Variants in ABCC4 observed in about 807,000 individuals in gnomAD.
ABCC4 encodes ATP binding cassette subfamily C member 4 (PEL blood group).
In ABCC4, 102 loss-of-function variants were observed where a neutral mutation model predicts 168.5. The observed-to-expected ratio is 0.61, with a 90% CI of 0.52 to 0.71. The LOEUF is 0.71. Among genes scored for constraint, ABCC4 ranks in the 30% least tolerant of loss-of-function variants. ABCC4 has a pLI of 0.00. For missense variants in ABCC4, 1,402 were observed against 1,605.8 expected, an observed-to-expected ratio of 0.87 and a Z score of 2.17; for synonymous variants, 617 against 590.7, an observed-to-expected ratio of 1.04 and a Z score of -0.65.
chr13:95,029,217 G>A (rs1354072674), intron 30 of ABCC4, among the ~76,000 whole-genome samples: 396 of 10,570 alleles, frequency 0.037, 14 homozygotes, highest in African/African-American at 0.066. Flanking sequence ...TATATATAGA[G>A]AGAGAGAGAG....
chr13:95,189,435 A>G (rs879540241), intron 9 of ABCC4, among the ~76,000 whole-genome samples: 3 of 152,150 alleles, frequency 2.0e-5, no homozygotes, highest in African/African-American at 7.2e-5. Flanking sequence ...TCTTAATATA[A>G]TATTCAGTAT....
At chr13:95,254,396 T>G (rs1004012625) in intron 1 of ABCC4, among the ~76,000 whole-genome samples, 2 of 140,126 alleles carry the variant, frequency 1.4e-5, no homozygotes, top group South Asian at 2.3e-4. Context: ...TGCTAGTGCC[T>G]AAGGGCACAT....
intron 19 of ABCC4, among the ~76,000 whole-genome samples, chr13:95,119,058 C>G (rs1419406179): frequency 1.3e-5 from 2 of 152,168 alleles, no homozygotes; most frequent in Non-Finnish European, 1.5e-5. Flanking sequence ...CTCTGAATGC[C>G]TGGTAGCCAG....
chr13:95,242,234 A>ATT (rs68070552), intron 3 of ABCC4, among the ~76,000 whole-genome samples: 65,243 of 150,214 alleles, frequency 0.43, 16,806 homozygotes, highest in African/African-American at 0.71. Flanking sequence ...TAACTCCATA[A>ATT]TTTTTTTTTT....
chr13:95,170,590 A>T lies in ABCC4; in HGVS notation c.1766T>A (p.Leu589Ter). 1 of 1,612,358 alleles carries T rather than the reference A, an allele frequency of 6.2e-7. No individual in the cohort carries two copies. Among genetic ancestry groups the T allele is most frequent in the Non-Finnish European group, 8.5e-7 (1 of 1,179,660 alleles). ...GAGGTACTGCAACTGATGAGTCACT[A>T]AAATTGTGATCTTCTCATGCAAAAT... is the stretch of plus-strand genomic sequence containing the variant. ...CQILHEKITI[L>*]VTHQLQYLKA... Residue 589 changes from leucine (L) to a stop codon, truncating the protein, a stop_gained, in exon 14 of 31, where the codon TTA (leucine) becomes TAA (stop). Coordinates refer to ENST00000645237, the MANE Select transcript of ABCC4 (RefSeq NM_005845.5). LOFTEE classifies it high-confidence loss of function.
chr13:95,203,398 G>A lies in ABCC4; in HGVS notation c.1161+3134C>T, dbSNP rs146971108. 8.2e-3 allele frequency among the ~76,000 whole-genome samples: 1,209 copies of A among 148,166 alleles called. 6 individuals carry two copies. The highest frequency in any genetic ancestry group is 0.014 in the Non-Finnish European group (968 of 67,560). On this transcript the variant is annotated intron_variant, in intron 8 of 30. Coordinates refer to ENST00000645237, the MANE Select transcript of ABCC4 (RefSeq NM_005845.5). Reference sequence around the variant, plus strand: ...GTCACCCAGACTACAGTGCAGTGGCGTAATCTCGGCTCACTGCAACCTCCA... The same window carrying A: ...GTCACCCAGACTACAGTGCAGTGGCATAATCTCGGCTCACTGCAACCTCCA...
In ABCC4 at chr13:95,209,535, T is replaced by G. The variant is rs141546173; in HGVS notation, c.684A>C (p.Leu228=). The G allele has an allele frequency of 2.5e-6, 4 of 1,614,084 alleles. No individual in the cohort carries two copies. Among genetic ancestry groups the G allele is most frequent in the Non-Finnish European group, 3.4e-6 (4 of 1,179,980 alleles). The change falls in exon 6 of 31, where the codon CTA becomes CTC. Residue 228 remains leucine (L), a synonymous_variant. Transcript: ENST00000645237. ...ACGATATTCCTATCTCCATCCAGAG[T>G]AGGGCAGTCACTGCAATCGCCTGCA... ...GPLQAIAVTA[L]LWMEIGISCL...
intron 8 of ABCC4, among the ~76,000 whole-genome samples, chr13:95,201,518 A>T (rs2038624413): frequency 6.6e-6 from 1 of 152,206 alleles, no homozygotes; most frequent in Non-Finnish European, 1.5e-5. Context: ...AGCACCTGCA[A>T]TCTATACGTA....
intron 3 of ABCC4, among the ~76,000 whole-genome samples, chr13:95,246,683 ACC>A (rs1401267735): frequency 1.3e-5 from 2 of 152,188 alleles, no homozygotes; most frequent in East Asian, 3.8e-4. Flanking sequence ...ACATTGTCCT[ACC>A]ATAGAATAAA....
chr13:95,145,467 A>G (rs1390825307), intron 19 of ABCC4, among the ~76,000 whole-genome samples: 1 of 151,680 alleles, frequency 6.6e-6, no homozygotes, highest in Non-Finnish European at 1.5e-5. Context: ...CCTAAAAAAA[A>G]AAAAAAGAAA....
intron 29 of ABCC4, 112 bp downstream of exon 29, chr13:95,043,570 T>G: frequency 2.6e-5 from 22 of 853,952 alleles, no homozygotes; most frequent in Non-Finnish European, 3.8e-5. Context: ...AGAGCCAAAA[T>G]TAACAGAAAA....
chr13:95,178,338 C>T (rs555702971), intron 11 of ABCC4, among the ~76,000 whole-genome samples: 2 of 152,292 alleles, frequency 1.3e-5, no homozygotes, highest in Admixed American at 1.3e-4. Context: ...ATGCACTGAG[C>T]CATTTTAACA....
At chr13:95,196,722 A>G (rs1465150229) in intron 8 of ABCC4, among the ~76,000 whole-genome samples, 3 of 104,018 alleles carry the variant, frequency 2.9e-5, no homozygotes, top group Non-Finnish European at 7.2e-5. Flanking sequence ...GGAAGGAAGG[A>G]AGGAAGGAAG....
chr13:95,238,914 C>A (rs746301210), intron 3 of ABCC4, among the ~76,000 whole-genome samples: 25 of 152,096 alleles, frequency 1.6e-4, no homozygotes, highest in Non-Finnish European at 3.4e-4. Context: ...AAATGTTAGG[C>A]TTCCAAGAAA....
rs569262967 is a variant in ABCC4 at position 95,170,415 on chromosome 13, T to C, written c.1824+117A>G. On this transcript the variant is annotated intron_variant, in intron 14 of 30. Transcript: ENST00000645237. Reference sequence around the variant, plus strand: ...CATTTCTACAAGTCTTTTGAGTTAATACTTAAAAACATGAATCCCAGCTCT... The same window carrying C: ...CATTTCTACAAGTCTTTTGAGTTAACACTTAAAAACATGAATCCCAGCTCT... 24 of 593,506 alleles carry C rather than the reference T, an allele frequency of 4.0e-5. No homozygotes were observed. In the South Asian group the frequency reaches 5.5e-4, roughly 14 times the overall value. 36.8% of individuals were successfully genotyped at this position (593,506 alleles called of 1,614,324 possible).
chr13:95,300,777 G>A (rs1440717231), intron 1 of ABCC4, among the ~76,000 whole-genome samples: 1 of 152,208 alleles, frequency 6.6e-6, no homozygotes, highest in Non-Finnish European at 1.5e-5. Flanking sequence ...TTCGTAAGCT[G>A]CTTACTTAAA....
intron 29 of ABCC4, among the ~76,000 whole-genome samples, chr13:95,036,242 G>A (rs1236373819): frequency 6.6e-6 from 1 of 152,170 alleles, no homozygotes; most frequent in Admixed American, 6.5e-5. Context: ...TTGCTAAAAT[G>A]ATGAAGTTTT....
intron 21 of ABCC4, among the ~76,000 whole-genome samples, chr13:95,082,580 T>C (rs941832083): frequency 6.6e-6 from 1 of 152,162 alleles, no homozygotes; most frequent in Non-Finnish European, 1.5e-5. Context: ...AAAATAACAA[T>C]GCTTATCTTT....
intron 6 of ABCC4, 119 bp from the exon 7 acceptor site, chr13:95,208,044 C>T (rs1389159686): frequency 1.1e-5 from 11 of 1,038,080 alleles, no homozygotes; most frequent in Non-Finnish European, 1.6e-5. Context: ...CTTCCGACAA[C>T]ACAGACAGGT....
Sources: allele counts gnomAD v4.1 joint callset (sites outside exome capture counted in the v4.1 genomes callset), GRCh38; gene constraint gnomAD v4.1.1; transcripts MANE v1.5; gene names NCBI Gene and HGNC (gene_info 2026-07-23, HGNC 2026-07-21).